Variants in PHF24 observed in about 807,000 individuals in gnomAD.
The protein encoded by PHF24 is PHD finger protein 24, also known as Galpha inhibitory interacting protein.
In PHF24, 25 loss-of-function variants were observed where a neutral mutation model predicts 42.6. The ratio of observed to expected loss-of-function variants is 0.59; its 90% CI spans 0.43 to 0.82. The LOEUF is 0.82. Ranked by LOEUF, PHF24 falls within the 40% of genes least tolerant of loss-of-function variation. PHF24 has a pLI of 0.00. For missense variants in PHF24, 470 were observed against 538.1 expected (o/e 0.87, Z 1.25); for synonymous variants, 185 against 204.8 (o/e 0.90, Z 0.83).
At chr9:34,828,951 C>CTATATCTATATCTATATCTATATCTATA in the PHF24 span, among the ~76,000 whole-genome samples, 1 of 151,994 alleles carries the variant, frequency 6.6e-6, no homozygotes, top group Non-Finnish European at 1.5e-5. Context: ...ATATCTATGT[C>CTATATCTATATCTATATCTATATCTATA]TGTCTGTCAT....
At chr9:34,708,984 TAAACA>T in the PHF24 span, 2 of 188,260 alleles carry the variant, frequency 1.1e-5, no homozygotes, top group Non-Finnish European at 2.2e-5. Flanking sequence ...TCGGTGGACA[TAAACA>T]CATGGGAACA....
At chr9:34,723,352 G>A in the PHF24 span, 36 of 1,551,666 alleles carry the variant, frequency 2.3e-5, no homozygotes, top group South Asian at 2.0e-4. Context: ...GGAGCTTATC[G>A]TCTAGGGATT....
chr9:34,717,115 A>T, the PHF24 span, among the ~76,000 whole-genome samples: 1 of 152,110 alleles, frequency 6.6e-6, no homozygotes. Flanking sequence ...TCTATCTCAA[A>T]CTTATTTGGC....
chr9:34,687,036 C>T, the PHF24 span, among the ~76,000 whole-genome samples: 25,014 of 150,344 alleles, frequency 0.17, 2,269 homozygotes, highest in Admixed American at 0.22. Flanking sequence ...AGACCCAGTG[C>T]CCAGGATGGG....
At chr9:34,923,758 TA>T in the PHF24 span, among the ~76,000 whole-genome samples, 11 of 152,090 alleles carry the variant, frequency 7.2e-5, no homozygotes, top group Admixed American at 7.2e-4. Flanking sequence ...GTTTATCTTT[TA>T]AAAAAACAAT....
At chr9:34,815,021 C>T in the PHF24 span, among the ~76,000 whole-genome samples, 7 of 152,332 alleles carry the variant, frequency 4.6e-5, no homozygotes, top group East Asian at 1.9e-4. Flanking sequence ...CTTGAGCCAC[C>T]GCGCTTGGCA....
chr9:34,922,896 T>C, the PHF24 span: 1 of 1,552,678 alleles, frequency 6.4e-7, no homozygotes, highest in Non-Finnish European at 8.8e-7. Context: ...CAGTTTGGCC[T>C]TCTGAACCAG....
the PHF24 span, among the ~76,000 whole-genome samples, chr9:34,753,434 G>T: frequency 1.3e-5 from 2 of 151,876 alleles, no homozygotes; most frequent in African/African-American, 4.8e-5. Flanking sequence ...GAATTAACCA[G>T]ACAAGTGAAA....
the PHF24 span, among the ~76,000 whole-genome samples, chr9:34,710,319 C>T: frequency 3.3e-5 from 5 of 152,318 alleles, no homozygotes; most frequent in East Asian, 7.7e-4. Flanking sequence ...ATGTCTGGGC[C>T]TGAGCCTTCC....
chr9:34,893,006 G>A, the PHF24 span: 1 of 821,258 alleles, frequency 1.2e-6, no homozygotes, highest in Non-Finnish European at 2.0e-6. Context: ...GGAGCCCTGT[G>A]ATGGCCCCAG....
the PHF24 span, among the ~76,000 whole-genome samples, chr9:34,930,294 A>G: frequency 1.3e-5 from 2 of 152,222 alleles, no homozygotes; most frequent in Admixed American, 6.5e-5. Flanking sequence ...AAAGAGAAGG[A>G]ACGTGAGATA....
the PHF24 span, among the ~76,000 whole-genome samples, chr9:34,695,908 T>C: frequency 2.6e-5 from 4 of 151,988 alleles, no homozygotes; most frequent in Non-Finnish European, 4.4e-5. Flanking sequence ...GATTCTAGGA[T>C]TGGCTTGCCC....
the PHF24 span, among the ~76,000 whole-genome samples, chr9:34,885,280 T>A: frequency 6.6e-6 from 1 of 152,190 alleles, no homozygotes; most frequent in African/African-American, 2.4e-5. Context: ...GACAGACACA[T>A]CCATGCTTCT....
chr9:34,737,832 G>A, the PHF24 span, among the ~76,000 whole-genome samples: 72 of 152,194 alleles, frequency 4.7e-4, no homozygotes, highest in Admixed American at 1.9e-3. Flanking sequence ...TTGTCACTTC[G>A]TCATCATGAG....
the PHF24 span, among the ~76,000 whole-genome samples, chr9:34,862,108 G>T: frequency 6.6e-6 from 1 of 152,142 alleles, no homozygotes; most frequent in Admixed American, 6.5e-5. Context: ...CATGCAGGGA[G>T]CCCTAGCCAG....
chr9:34,880,268 G>A, the PHF24 span, among the ~76,000 whole-genome samples: 62 of 152,278 alleles, frequency 4.1e-4, no homozygotes, highest in East Asian at 7.5e-3. Flanking sequence ...AAAGACCATC[G>A]ATGCTAGGAA....
chr9:34,708,982 C>CGCCGT, the PHF24 span: 3 of 204,188 alleles, frequency 1.5e-5, no homozygotes, highest in Non-Finnish European at 2.9e-5. Flanking sequence ...TCTCGGTGGA[C>CGCCGT]ATAAACACAT....
the PHF24 span, among the ~76,000 whole-genome samples, chr9:34,878,505 C>T: frequency 6.6e-6 from 1 of 152,172 alleles, no homozygotes; most frequent in Non-Finnish European, 1.5e-5. Flanking sequence ...AAAATCGGGA[C>T]ACTCTCACCC....
At chr9:34,740,686 A>G in the PHF24 span, among the ~76,000 whole-genome samples, 200 of 152,232 alleles carry the variant, frequency 1.3e-3, no homozygotes, top group Non-Finnish European at 2.1e-3. Flanking sequence ...GGGTTCCCAC[A>G]GTGCAGTGGT....
Sources: gnomAD v4.1 joint callset for allele counts (sites outside exome capture counted in the v4.1 genomes callset) on GRCh38, gnomAD v4.1.1 for gene constraint, MANE v1.5 for transcripts, NCBI Gene and HGNC (gene_info 2026-07-23, HGNC 2026-07-21) for gene names.